Variants in SLC8A1 observed in about 807,000 individuals in gnomAD.
The protein encoded by SLC8A1 is solute carrier family 8 member A1, also known as sodium/calcium exchanger 1.
Under a neutral mutation model 68.3 loss-of-function variants are expected in SLC8A1, and 18 were observed. That is an observed-to-expected ratio of 0.26 (90% confidence interval 0.18 to 0.39). The LOEUF (loss-of-function observed/expected upper bound fraction) is 0.39. Ranked by LOEUF, SLC8A1 falls within the 10% of genes least tolerant of loss-of-function variation. The pLI is 1.00. For missense variants in SLC8A1, 985 were observed against 1,156.7 expected (o/e 0.85, Z 2.15); for synonymous variants, 475 against 415.5 (o/e 1.14, Z -1.74).
intron 6 of SLC8A1, among the ~76,000 whole-genome samples, chr2:40,147,239 A>T (rs2042638908): frequency 6.6e-6 from 1 of 152,200 alleles, no homozygotes; most frequent in Non-Finnish European, 1.5e-5. Context: ...TCCTAAAAAA[A>T]AATCCGCTAT....
intron 2 of SLC8A1, among the ~76,000 whole-genome samples, chr2:40,229,636 T>G (rs2059400766): frequency 6.6e-6 from 1 of 152,196 alleles, no homozygotes; most frequent in African/African-American, 2.4e-5. Flanking sequence ...GTCATTAATG[T>G]GCATCATCTC....
intron 1 of SLC8A1, among the ~76,000 whole-genome samples, chr2:40,477,027 C>T (rs1188773153): frequency 6.6e-6 from 1 of 152,054 alleles, no homozygotes; most frequent in South Asian, 2.1e-4. Context: ...CTGGAAAATA[C>T]AGGAATTATT....
At chr2:40,477,753 G>A (rs1240872236) in intron 1 of SLC8A1, among the ~76,000 whole-genome samples, 2 of 152,178 alleles carry the variant, frequency 1.3e-5, no homozygotes, top group African/African-American at 4.8e-5. Context: ...GTGTGTATGT[G>A]TGTGTGCACG....
intron 2 of SLC8A1, among the ~76,000 whole-genome samples, chr2:40,375,866 G>C (rs1281272650): frequency 6.6e-6 from 1 of 152,100 alleles, no homozygotes; most frequent in African/African-American, 2.4e-5. Flanking sequence ...GCTGGGCGCA[G>C]TGGTGCACAC....
chr2:40,325,996 G>A (rs866769639), intron 2 of SLC8A1, among the ~76,000 whole-genome samples: 3 of 152,082 alleles, frequency 2.0e-5, no homozygotes, highest in Non-Finnish European at 2.9e-5. Flanking sequence ...TTCTTCACAC[G>A]CCCACAGGGA....
chr2:40,400,749 G>A (rs539865440), intron 2 of SLC8A1, among the ~76,000 whole-genome samples: 1 of 152,274 alleles, frequency 6.6e-6, no homozygotes, highest in Non-Finnish European at 1.5e-5. Context: ...GTAGGAGAGG[G>A]CTCTTCTCAG....
At chr2:40,169,426 G>A (rs1573491998) in intron 4 of SLC8A1, among the ~76,000 whole-genome samples, 1 of 152,098 alleles carries the variant, frequency 6.6e-6, no homozygotes, top group African/African-American at 2.4e-5. Flanking sequence ...AGGCTAAAGT[G>A]ACTGATACAG....
chr2:40,409,882 C>T (rs1278213739), intron 2 of SLC8A1, among the ~76,000 whole-genome samples: 1 of 152,056 alleles, frequency 6.6e-6, no homozygotes, highest in Non-Finnish European at 1.5e-5. Flanking sequence ...ACCAATTAAT[C>T]TGAAAACTTA....
At chr2:40,258,838 T>C (rs1195844862) in intron 2 of SLC8A1, among the ~76,000 whole-genome samples, 2 of 150,408 alleles carry the variant, frequency 1.3e-5, no homozygotes, top group Non-Finnish European at 3.0e-5. Context: ...TGAGACTCCA[T>C]CTCAAAAAAA....
chr2:40,317,332 G>A (rs1322728546), intron 2 of SLC8A1, among the ~76,000 whole-genome samples: 1 of 151,918 alleles, frequency 6.6e-6, no homozygotes, highest in Non-Finnish European at 1.5e-5. Flanking sequence ...TAATCATATT[G>A]GTTTTATGAA....
intron 2 of SLC8A1, among the ~76,000 whole-genome samples, chr2:40,358,923 G>A (rs1673634004): frequency 6.6e-6 from 1 of 152,210 alleles, no homozygotes; most frequent in Non-Finnish European, 1.5e-5. Flanking sequence ...ACTTTACTGA[G>A]CAGGAGACGC....
chr2:40,271,888 T>A (rs2066081519), intron 2 of SLC8A1, among the ~76,000 whole-genome samples: 1 of 151,906 alleles, frequency 6.6e-6, no homozygotes, highest in Admixed American at 6.6e-5. Flanking sequence ...TTTTTTAGAG[T>A]CAGGGTCTCA....
chr2:40,388,816 A>G (rs1452699443), intron 2 of SLC8A1, among the ~76,000 whole-genome samples: 1 of 152,210 alleles, frequency 6.6e-6, no homozygotes, highest in Non-Finnish European at 1.5e-5. Flanking sequence ...TCAAAAAGCA[A>G]GTAGAATCCA....
chr2:40,358,510 G>C (rs1234388578), intron 2 of SLC8A1, among the ~76,000 whole-genome samples: 1 of 152,178 alleles, frequency 6.6e-6, no homozygotes, highest in Non-Finnish European at 1.5e-5. Flanking sequence ...GGGATTTGGA[G>C]TAAGAACATC....
intron 1 of SLC8A1, among the ~76,000 whole-genome samples, chr2:40,478,294 G>T (rs1207338681): frequency 6.6e-6 from 1 of 152,144 alleles, no homozygotes; most frequent in African/African-American, 2.4e-5. Context: ...GTTTAAGGCA[G>T]TTCTACCTGT....
At chr2:40,356,388 G>A (rs1319830907) in intron 2 of SLC8A1, among the ~76,000 whole-genome samples, 1 of 152,066 alleles carries the variant, frequency 6.6e-6, no homozygotes, top group Admixed American at 6.6e-5. Flanking sequence ...AGAGAATCTA[G>A]TTCAACTTTT....
intron 2 of SLC8A1, among the ~76,000 whole-genome samples, chr2:40,221,024 T>G (rs2058254832): frequency 6.6e-6 from 1 of 152,138 alleles, no homozygotes; most frequent in Non-Finnish European, 1.5e-5. Flanking sequence ...TAACTCATTT[T>G]ATGAGGCCAG....
At chr2:40,500,407 A>G (rs911479957) in intron 1 of SLC8A1, among the ~76,000 whole-genome samples, 1 of 152,126 alleles carries the variant, frequency 6.6e-6, no homozygotes, top group Non-Finnish European at 1.5e-5. Flanking sequence ...CCCAAGACAG[A>G]TTAACTTATT....
chr2:40,227,326 T>A (rs959529818), intron 2 of SLC8A1, among the ~76,000 whole-genome samples: 2 of 152,064 alleles, frequency 1.3e-5, no homozygotes, highest in African/African-American at 4.8e-5. Flanking sequence ...TGAGATTGAA[T>A]GAGTACCACA....
Sources: allele counts gnomAD v4.1 joint callset (sites outside exome capture counted in the v4.1 genomes callset), GRCh38; gene constraint gnomAD v4.1.1; transcripts MANE v1.5; gene names NCBI Gene and HGNC (gene_info 2026-07-23, HGNC 2026-07-21).